Variants in RBFOX1 observed in about 807,000 individuals in gnomAD.
RBFOX1 encodes the protein RNA binding protein fox-1 homolog 1.
A neutral mutation model predicts 57.7 loss-of-function variants in RBFOX1; 8 were observed. That is an observed-to-expected ratio of 0.14 (90% CI 0.08 to 0.25). The LOEUF (loss-of-function observed/expected upper bound fraction) is 0.25, where lower values mean the gene tolerates loss of function less well. RBFOX1 is among the 10% of genes least tolerant of loss of function. The pLI, the probability that RBFOX1 is intolerant of heterozygous loss-of-function variation, is 1.00. For missense variants in RBFOX1, 611 were observed against 548.5 expected (o/e 1.11, Z -1.14); for synonymous variants, 326 against 222.4 (o/e 1.47, Z -4.15).
At chr16:7,029,142 GTATATATGTATA>G (rs558844657) in intron 3 of RBFOX1, among the ~76,000 whole-genome samples, 1 of 68,498 alleles carries the variant, frequency 1.5e-5, no homozygotes, top group Non-Finnish European at 2.6e-5. Flanking sequence ...ATATATATGT[GTATATATGTATA>G]TATATACACA....
At chr16:5,521,304 G>C (rs2151744839) in intron 2 of RBFOX1, among the ~76,000 whole-genome samples, 1 of 142,346 alleles carries the variant, frequency 7.0e-6, no homozygotes, top group Middle Eastern at 3.7e-3. Flanking sequence ...TTGCACAACT[G>C]CTGCCCCAGG....
At position 5,933,233 on chromosome 16, in the gene RBFOX1, G is replaced by C. The variant is rs1169064459; in HGVS notation, c.351+65898G>C. Among the ~76,000 whole-genome samples the C allele has an allele frequency of 3.3e-5, 5 of 152,334 alleles. No individual in the cohort carries two copies. In the South Asian group the frequency reaches 1.0e-3, roughly 32 times the overall value. On this transcript the variant is annotated intron_variant, in intron 4 of 19. Coordinates refer to the RBFOX1 transcript ENST00000641259. ...TGGCGCCAGGAGCTTCATTAATAAA[G>C]ATTGTTGCGAGGTTCCGATGTTGCC... is the stretch of plus-strand genomic sequence containing the variant.
At position 7,707,577 on chromosome 16, in the gene RBFOX1, C is replaced by T. The variant is rs2082884475; in HGVS notation, c.996-1479C>T. Among the ~76,000 whole-genome samples, 7 of 152,106 alleles carry T rather than the reference C, an allele frequency of 4.6e-5. No homozygotes were observed. In the South Asian group the frequency reaches 6.2e-4, roughly 14 times the overall value. Reference sequence around the variant, plus strand: ...CAGTGAGTGTCTGATGCATTCATGCCGAGCTGCTGTGAATGTTGGTTGCTA... The same window carrying T: ...CAGTGAGTGTCTGATGCATTCATGCTGAGCTGCTGTGAATGTTGGTTGCTA... On this transcript the variant is annotated intron_variant, in intron 14 of 15. Transcript: ENST00000550418.
Position 6,813,104 on chromosome 16 carries a change from T to TAA in RBFOX1, c.-16+158464_-16+158465dup, listed in dbSNP as rs766213977. ...ACCATGAATATATTTTCACTCCCAT[T>TAA]AAAAAAAAAAAGTGCAACCTAAGTT... is the stretch of plus-strand genomic sequence containing the variant. On this transcript the variant is annotated intron_variant, in intron 3 of 15. Coordinates refer to ENST00000550418, the MANE Select transcript of RBFOX1 (RefSeq NM_018723.4). 5.0e-4 allele frequency among the ~76,000 whole-genome samples: 73 copies of TAA among 146,788 alleles called. 1 individual carries two copies. Among genetic ancestry groups the TAA allele is most frequent in the African/African-American group, 1.6e-3 (65 of 40,280 alleles).
intron 3 of RBFOX1, among the ~76,000 whole-genome samples, chr16:5,842,806 G>T (rs1399695526): frequency 6.6e-6 from 1 of 151,808 alleles, no homozygotes; most frequent in Non-Finnish European, 1.5e-5. Flanking sequence ...TACTATTTTT[G>T]TTTTTATTTT....
chr16:5,966,992 G>GT (rs1555458303), intron 4 of RBFOX1, among the ~76,000 whole-genome samples: 1 of 17,152 alleles, frequency 5.8e-5, no homozygotes, highest in East Asian at 1.5e-3. Context: ...GCACTAAATC[G>GT]GGGGGGGGGG....
At position 7,029,101 on chromosome 16, in the gene RBFOX1, C is replaced by CAT. The variant is rs2041979718; in HGVS notation, c.-15-22955_-15-22954insTA. On this transcript the variant is annotated intron_variant, in intron 3 of 15. Transcript: ENST00000550418. ...ATATATACACACACACACACACACA[C>CAT]ACACACACACACACACACACATATA... Among the ~76,000 whole-genome samples, 2 of 87,018 alleles carry CAT rather than the reference C, an allele frequency of 2.3e-5. 1 individual carries two copies. The highest frequency in any genetic ancestry group is 1.0e-4 in the African/African-American group (2 of 19,072). The allele number at this position is 87,018 out of a possible 152,430, so 57.1% of individuals were successfully genotyped here. A position where few individuals can be genotyped will look rare whatever the true frequency, so the allele number is the denominator to read the frequency against.
intron 1 of RBFOX1, among the ~76,000 whole-genome samples, chr16:6,108,109 A>T (rs942659885): frequency 6.6e-6 from 1 of 152,190 alleles, no homozygotes; most frequent in African/African-American, 2.4e-5. Context: ...ACCAACATAC[A>T]TGTATTACTT....
intron 4 of RBFOX1, among the ~76,000 whole-genome samples, chr16:7,108,850 G>A (rs1818595568): frequency 6.6e-6 from 1 of 152,156 alleles, no homozygotes; most frequent in Admixed American, 6.6e-5. Context: ...AGTGAAACGA[G>A]TCATGATATA....
At chr16:7,349,189 T>G (rs1414025725) in intron 4 of RBFOX1, among the ~76,000 whole-genome samples, 2 of 152,088 alleles carry the variant, frequency 1.3e-5, no homozygotes, top group African/African-American at 4.8e-5. Context: ...GACTAAAACT[T>G]GGGTTAAAAA....
At chr16:7,027,212 G>T (rs535798020) in intron 3 of RBFOX1, among the ~76,000 whole-genome samples, 2 of 151,996 alleles carry the variant, frequency 1.3e-5, no homozygotes, top group East Asian at 1.9e-4. Flanking sequence ...ACTCTCCAGC[G>T]CACAGAAAAA....
At chr16:6,974,904 A>T (rs1008130972) in intron 3 of RBFOX1, among the ~76,000 whole-genome samples, 1 of 152,122 alleles carries the variant, frequency 6.6e-6, no homozygotes, top group African/African-American at 2.4e-5. Context: ...TGAGAAATCC[A>T]GCATGTCCTG....
intron 3 of RBFOX1, among the ~76,000 whole-genome samples, chr16:5,738,360 G>A (rs2052654376): frequency 6.6e-6 from 1 of 151,878 alleles, no homozygotes; most frequent in Non-Finnish European, 1.5e-5. Flanking sequence ...GCCCAGGTGC[G>A]GTGGCTCATG....
chr16:5,552,106 T>C (rs910372275), intron 2 of RBFOX1, among the ~76,000 whole-genome samples: 1 of 152,166 alleles, frequency 6.6e-6, no homozygotes, highest in Non-Finnish European at 1.5e-5. Context: ...GAAATTGAAC[T>C]AAGATAATGT....
intron 3 of RBFOX1, among the ~76,000 whole-genome samples, chr16:5,786,284 C>T (rs1006357740): frequency 6.6e-6 from 1 of 152,164 alleles, no homozygotes; most frequent in Non-Finnish European, 1.5e-5. Context: ...CAGCTTGTCT[C>T]TTAGCTCTGG....
Position 6,363,665 on chromosome 16 carries a change from C to T in RBFOX1, c.-64+46608C>T, listed in dbSNP as rs144343051. 2.9e-3 allele frequency among the ~76,000 whole-genome samples: 442 copies of T among 152,210 alleles called. 2 individuals carry two copies. The highest frequency in any genetic ancestry group is 9.6e-3 in the African/African-American group (397 of 41,526). ...ACTAAATACCATTTTTTAAAGTTTCCGAAGATTAAATAGAAAAACACTCCG... is the reference window on the plus strand; with the variant it reads ...ACTAAATACCATTTTTTAAAGTTTCTGAAGATTAAATAGAAAAACACTCCG... On this transcript the variant is annotated intron_variant, in intron 2 of 15. Coordinates refer to ENST00000550418, the MANE Select transcript of RBFOX1 (RefSeq NM_018723.4).
chr16:6,554,644 C>G (rs1394528807), intron 2 of RBFOX1, among the ~76,000 whole-genome samples: 2 of 152,148 alleles, frequency 1.3e-5, no homozygotes. Context: ...TGCTTGTACT[C>G]TCCTGATTTG....
At chr16:5,773,653 T>G (rs946081927) in intron 3 of RBFOX1, among the ~76,000 whole-genome samples, 2 of 152,238 alleles carry the variant, frequency 1.3e-5, no homozygotes, top group Admixed American at 6.5e-5. Context: ...TGCATGGGAT[T>G]ATTTCTGAAA....
chr16:7,250,453 GAGTTTCCTGCTTCATCGC>G (rs568132240), intron 4 of RBFOX1, among the ~76,000 whole-genome samples: 249 of 152,284 alleles, frequency 1.6e-3, no homozygotes, highest in Non-Finnish European at 2.5e-3. Flanking sequence ...TGAACCACAA[GAGTTTCCTGCTTCATCGC>G]CTCAGCTGCA....
Sources: gnomAD v4.1 joint callset for allele counts (sites outside exome capture counted in the v4.1 genomes callset) on GRCh38, gnomAD v4.1.1 for gene constraint, MANE v1.5 for transcripts, NCBI Gene and HGNC (gene_info 2026-07-23, HGNC 2026-07-21) for gene names.